The following MAST4 variants were observed in gnomAD, a reference collection of about 807,000 sequenced individuals.
The protein encoded by MAST4 is microtubule associated serine/threonine kinase family member 4.
In MAST4, 89 loss-of-function variants were observed where a neutral mutation model predicts 162.7. The observed-to-expected ratio is 0.55, with a 90% CI of 0.46 to 0.65. The LOEUF (loss-of-function observed/expected upper bound fraction) is 0.65. Among genes scored for constraint, MAST4 ranks in the 30% least tolerant of loss-of-function variants. The probability of loss-of-function intolerance (pLI) is 0.00; values close to 1 mark genes in which losing one functional copy is unlikely to be tolerated. For missense variants in MAST4, 3,153 were observed against 3,374.0 expected (o/e 0.93, Z 1.62); for synonymous variants, 1,479 against 1,361.1 (o/e 1.09, Z -1.91).
At chr5:66,936,461 A>G (rs1742761282) in intron 4 of MAST4, among the ~76,000 whole-genome samples, 1 of 152,230 alleles carries the variant, frequency 6.6e-6, no homozygotes, top group South Asian at 2.1e-4. Flanking sequence ...AAAGAGAGTC[A>G]GGGAAGGGAG....
chr5:66,971,955 G>A (rs1747489804), intron 4 of MAST4, among the ~76,000 whole-genome samples: 1 of 152,100 alleles, frequency 6.6e-6, no homozygotes, highest in South Asian at 2.1e-4. Context: ...TGATGATAAT[G>A]TGAAACTCAG....
At chr5:66,887,984 A>G (rs932169285) in intron 3 of MAST4, among the ~76,000 whole-genome samples, 3 of 152,086 alleles carry the variant, frequency 2.0e-5, no homozygotes, top group Non-Finnish European at 2.9e-5. Flanking sequence ...CGAGGCGGGC[A>G]GATCACAAGG....
chr5:67,166,149 G>A lies in MAST4; in HGVS notation c.6970G>A (p.Gly2324Ser). ...EPADQKLSAV[G>S]EKQTLSPKHP... ...AGCGGACCAGAAACTGTCCGCTGTTGGTGAAAAGCAAACCCTGTCTCCAAA... is the reference window on the plus strand; with the variant it reads ...AGCGGACCAGAAACTGTCCGCTGTTAGTGAAAAGCAAACCCTGTCTCCAAA... Residue 2324 changes from glycine (G) to serine (S), a missense_variant, in exon 29 of 29, where the codon GGT becomes AGT. Gly to Ser is a moderately conservative substitution (Grantham distance 56, BLOSUM62 0). Coordinates refer to ENST00000403625, the MANE Select transcript of MAST4 (RefSeq NM_001164664.2). The A allele has an allele frequency of 6.3e-7, 1 of 1,577,758 alleles. No homozygotes were observed. Among genetic ancestry groups the A allele is most frequent in the Non-Finnish European group, 8.6e-7 (1 of 1,161,106 alleles).
At chr5:66,672,885 C>T (rs1204214090) in intron 1 of MAST4, among the ~76,000 whole-genome samples, 1 of 152,166 alleles carries the variant, frequency 6.6e-6, no homozygotes, top group Non-Finnish European at 1.5e-5. Flanking sequence ...TCTCTAGTGG[C>T]CTATCAGGTA....
rs1011249212 is a variant in MAST4 at position 66,788,743 on chromosome 5, C to G, written c.591C>G (p.Arg197=). Residue 197 remains arginine (R), a synonymous_variant, in exon 3 of 29, where the codon CGC becomes CGG. Coordinates refer to ENST00000403625, the MANE Select transcript of MAST4 (RefSeq NM_001164664.2). Reference sequence around the variant, plus strand: ...CTGCAGAGACGTCCAACCTCGTGCGCATGCGCAGCCAGGCCCTGGGCCAGT... The same window carrying G: ...CTGCAGAGACGTCCAACCTCGTGCGGATGCGCAGCCAGGCCCTGGGCCAGT... ...PASAETSNLV[R]MRSQALGQSA... 8 of 1,612,440 alleles carry G rather than the reference C, an allele frequency of 5.0e-6. No homozygotes were observed. In the Admixed American group the frequency reaches 6.7e-5, roughly 13 times the overall value.
chr5:66,864,185 A>C (rs149318548), intron 3 of MAST4, among the ~76,000 whole-genome samples: 34 of 128,182 alleles, frequency 2.7e-4, no homozygotes, highest in African/African-American at 8.3e-4. Context: ...ATGTCCAGTA[A>C]TAATAAATGT....
chr5:66,610,490 A>ATCCTGTTTT lies in MAST4; in HGVS notation c.363+13472_363+13473insTCCTGTTTT. Among the ~76,000 whole-genome samples, 3 of 66,348 alleles carry ATCCTGTTTT rather than the reference A, an allele frequency of 4.5e-5. No individual in the cohort carries two copies. In the South Asian group the frequency reaches 1.9e-3, roughly 41 times the overall value. 43.5% of individuals were successfully genotyped at this position (66,348 alleles called of 152,430 possible). A position where few individuals can be genotyped will look rare whatever the true frequency, so the allele number is the denominator to read the frequency against. ...CCTGAAAAGCCAAAGGCTGTTTTAC[A>ATCCTGTTTT]CCCGAGAGGTTGAGTGATACCTGGC... On this transcript the variant is annotated intron_variant, in intron 1 of 28. Coordinates refer to ENST00000403625, the MANE Select transcript of MAST4 (RefSeq NM_001164664.2).
chr5:66,664,604 A>C (rs1351548324), intron 1 of MAST4, among the ~76,000 whole-genome samples: 1 of 150,814 alleles, frequency 6.6e-6, no homozygotes, highest in Non-Finnish European at 1.5e-5. Context: ...GGGAATTATT[A>C]GCATAAAGAA....
intron 1 of MAST4, 138 bp from the exon 2 acceptor site, chr5:66,759,571 G>A (rs554203053): frequency 2.8e-5 from 30 of 1,067,264 alleles, no homozygotes; most frequent in East Asian, 1.6e-4. Flanking sequence ...ATTCTCTAAC[G>A]TAGCAAAATT....
chr5:66,914,565 T>A (rs34072676), intron 4 of MAST4, among the ~76,000 whole-genome samples: 2 of 151,812 alleles, frequency 1.3e-5, no homozygotes, highest in Non-Finnish European at 2.9e-5. Context: ...AGAGGAAGAG[T>A]GTGACCAGAG....
intron 1 of MAST4, among the ~76,000 whole-genome samples, chr5:66,646,659 T>A (rs186996264): frequency 6.6e-6 from 1 of 152,352 alleles, no homozygotes; most frequent in Non-Finnish European, 1.5e-5. Context: ...CATTGTACCC[T>A]CTACTTCCTA....
At chr5:66,936,552 A>AGTAC (rs2150088862) in intron 4 of MAST4, among the ~76,000 whole-genome samples, 1 of 152,274 alleles carries the variant, frequency 6.6e-6, no homozygotes, top group Non-Finnish European at 1.5e-5. Flanking sequence ...GACGGGCAGG[A>AGTAC]GTACGGGTCA....
intron 16 of MAST4, among the ~76,000 whole-genome samples, 200 bp from the exon 17 acceptor site, chr5:67,133,314 C>T (rs1469575805): frequency 6.6e-6 from 1 of 152,058 alleles, no homozygotes; most frequent in Non-Finnish European, 1.5e-5. Context: ...TCTAGCCCTC[C>T]CTTGTGAATT....
chr5:66,880,443 A>T (rs1042149632), intron 3 of MAST4, among the ~76,000 whole-genome samples: 7 of 152,204 alleles, frequency 4.6e-5, no homozygotes, highest in African/African-American at 9.7e-5. Flanking sequence ...ATTCCAAAAA[A>T]AGTGGGTTTT....
chr5:67,142,107 C>T lies in MAST4; in HGVS notation c.2495-8C>T. ...CTTTCCTCTCTGTCTCTACCTGCCC[C>T]CTTCCAGGTGGTGCATATGAAGTCA... On this transcript the variant is annotated splice_region_variant and splice_polypyrimidine_tract_variant and intron_variant, in intron 19 of 28. Coordinates refer to ENST00000403625, the MANE Select transcript of MAST4 (RefSeq NM_001164664.2). 3 of 1,613,086 alleles carry T rather than the reference C, an allele frequency of 1.9e-6. No individual in the cohort carries two copies. Among genetic ancestry groups the T allele is most frequent in the South Asian group, 1.1e-5 (1 of 90,996 alleles).
chr5:67,079,353 A>G (rs1762338123), intron 5 of MAST4, among the ~76,000 whole-genome samples: 1 of 152,140 alleles, frequency 6.6e-6, no homozygotes, highest in Non-Finnish European at 1.5e-5. Context: ...ATAGAACTTT[A>G]TATAAATAAT....
intron 1 of MAST4, among the ~76,000 whole-genome samples, chr5:66,742,774 G>T (rs547710455): frequency 6.6e-6 from 1 of 152,150 alleles, no homozygotes; most frequent in Non-Finnish European, 1.5e-5. Context: ...GCAAGCGGAG[G>T]TGTCAGGCCT....
At chr5:66,877,053 A>C (rs1366209201) in intron 3 of MAST4, among the ~76,000 whole-genome samples, 1 of 152,182 alleles carries the variant, frequency 6.6e-6, no homozygotes, top group Non-Finnish European at 1.5e-5. Flanking sequence ...AGATATAGAG[A>C]AAGATTGCTT....
intron 3 of MAST4, among the ~76,000 whole-genome samples, chr5:66,801,135 T>G (rs574789560): frequency 6.6e-5 from 10 of 152,306 alleles, no homozygotes; most frequent in Non-Finnish European, 1.3e-4. Context: ...GCATCCCTAA[T>G]ATGTAAATGT....
Sources: allele counts gnomAD v4.1 joint callset (sites outside exome capture counted in the v4.1 genomes callset), GRCh38; gene constraint gnomAD v4.1.1; transcripts MANE v1.5; gene names NCBI Gene and HGNC (gene_info 2026-07-23, HGNC 2026-07-21).